Variants in CNTN4 observed in about 807,000 individuals in gnomAD.
CNTN4 encodes contactin-4.
CNTN4 carries 77 observed loss-of-function variants against 122.5 expected under a neutral mutation model. The ratio of observed to expected loss-of-function variants is 0.63; its 90% CI spans 0.52 to 0.76. CNTN4 has a LOEUF of 0.76. Ranked by LOEUF, CNTN4 falls within the 30% of genes least tolerant of loss-of-function variation. CNTN4 has a pLI of 0.00. For missense variants in CNTN4, 1,256 were observed against 1,259.1 expected (o/e 1.00, Z 0.04); for synonymous variants, 512 against 447.0 (o/e 1.15, Z -1.83).
intron 2 of CNTN4, among the ~76,000 whole-genome samples, chr3:2,279,912 A>G (rs930945477): frequency 6.6e-6 from 1 of 150,500 alleles, no homozygotes; most frequent in Non-Finnish European, 1.5e-5. Context: ...AAATCTATAT[A>G]TCTAGCTATA....
At chr3:2,793,789 G>C (rs7635582) in intron 6 of CNTN4, among the ~76,000 whole-genome samples, 61,182 of 151,924 alleles carry the variant, frequency 0.4, 12,576 homozygotes, top group African/African-American at 0.49. Flanking sequence ...ACTGACTACA[G>C]AATAAGGAGA....
chr3:2,614,899 C>A (rs1169261390), intron 4 of CNTN4, among the ~76,000 whole-genome samples: 3 of 152,050 alleles, frequency 2.0e-5, no homozygotes, highest in Non-Finnish European at 4.4e-5. Flanking sequence ...TAATTAATTC[C>A]ACAGAGCCTT....
At chr3:2,657,144 C>T (rs2083627100) in intron 4 of CNTN4, among the ~76,000 whole-genome samples, 1 of 152,168 alleles carries the variant, frequency 6.6e-6, no homozygotes, top group Non-Finnish European at 1.5e-5. Context: ...CTTGACCGGA[C>T]AAGCATATTT....
At chr3:2,356,653 C>T (rs1486771952) in intron 3 of CNTN4, among the ~76,000 whole-genome samples, 2 of 152,192 alleles carry the variant, frequency 1.3e-5, no homozygotes, top group East Asian at 1.9e-4. Context: ...CATCCTGTGA[C>T]TAAGAATGCC....
chr3:2,383,007 G>A (rs765604414), intron 3 of CNTN4, among the ~76,000 whole-genome samples: 16 of 151,884 alleles, frequency 1.1e-4, no homozygotes, highest in Non-Finnish European at 1.6e-4. Flanking sequence ...CTCGGGAGGC[G>A]GAGGTTGCAG....
intron 6 of CNTN4, among the ~76,000 whole-genome samples, chr3:2,747,800 G>A (rs1341443121): frequency 6.6e-6 from 1 of 152,158 alleles, no homozygotes; most frequent in African/African-American, 2.4e-5. Flanking sequence ...GTGACAGAAA[G>A]TTCACCAATT....
At chr3:2,377,734 T>C (rs2045873024) in intron 3 of CNTN4, among the ~76,000 whole-genome samples, 1 of 151,950 alleles carries the variant, frequency 6.6e-6, no homozygotes, top group Non-Finnish European at 1.5e-5. Context: ...CAGCCCAGTA[T>C]AAATTTGTAA....
At chr3:3,017,150 T>C (rs1254381552) in intron 14 of CNTN4, among the ~76,000 whole-genome samples, 2 of 152,214 alleles carry the variant, frequency 1.3e-5, no homozygotes, top group Non-Finnish European at 2.9e-5. Flanking sequence ...CTTTTTCCAA[T>C]TGGTTCCTCT....
chr3:3,037,452 A>G (rs2125725104), intron 18 of CNTN4, 124 bp downstream of exon 18: 2 of 1,309,464 alleles, frequency 1.5e-6, no homozygotes, highest in Non-Finnish European at 2.2e-6. Context: ...TTCCCTTTAA[A>G]TGTTTATAAT....
At chr3:2,495,011 A>G (rs1159378396) in intron 3 of CNTN4, among the ~76,000 whole-genome samples, 1 of 152,212 alleles carries the variant, frequency 6.6e-6, no homozygotes, top group Non-Finnish European at 1.5e-5. Flanking sequence ...AAGGTAGTCC[A>G]TTAAGTCCTC....
intron 3 of CNTN4, among the ~76,000 whole-genome samples, chr3:2,416,399 T>C (rs893812026): frequency 2.6e-5 from 4 of 152,186 alleles, no homozygotes; most frequent in Non-Finnish European, 4.4e-5. Flanking sequence ...ATCTGCGTTA[T>C]ATAACATATG....
chr3:2,406,398 A>G lies in CNTN4; in HGVS notation c.-89+67165A>G, dbSNP rs75200884. Among the ~76,000 whole-genome samples the G allele has an allele frequency of 3.8e-3, 583 of 152,310 alleles. 4 individuals are homozygous for G. The highest frequency in any genetic ancestry group is 0.014 in the African/African-American group (570 of 41,574). On this transcript the variant is annotated intron_variant, in intron 3 of 24. Coordinates refer to ENST00000418658, the MANE Select transcript of CNTN4 (RefSeq NM_175607.3). ...GCAAACCTAACATGAAGGACACTCT[A>G]TAAATTAACTTAGCATCATTCTTCA...
rs184045051 is a variant in CNTN4 at position 2,967,102 on chromosome 3, T to C, written c.1359-21243T>C. Reference sequence around the variant, plus strand: ...ATCATTCTCCCTGAGCATTGGGGGATCAGAGTTTTTAAGGATAATTTGGTG... The same window carrying C: ...ATCATTCTCCCTGAGCATTGGGGGACCAGAGTTTTTAAGGATAATTTGGTG... On this transcript the variant is annotated intron_variant, in intron 13 of 24. Transcript: ENST00000418658. Among the ~76,000 whole-genome samples, 1,456 of 152,224 alleles carry C rather than the reference T, an allele frequency of 9.6e-3. 9 individuals are homozygous for C. The highest frequency in any genetic ancestry group is 0.015 in the Non-Finnish European group (1,005 of 68,012).
Position 2,641,222 on chromosome 3 carries a change from C to G in CNTN4, c.55+69664C>G, listed in dbSNP as rs368858747. Among the ~76,000 whole-genome samples the G allele has an allele frequency of 1.3e-4, 20 of 151,852 alleles. No homozygotes were observed. In the East Asian group the frequency reaches 2.9e-3, roughly 22 times the overall value. The stretch of plus-strand genomic sequence containing the variant: ...TATGCTTGGCCTTTGCAAATTGCTC[C>G]ATTAATTATTATAGGTGCTTCCAGT... On this transcript the variant is annotated intron_variant, in intron 4 of 24. Transcript: ENST00000418658.
chr3:2,775,152 A>G (rs2091265134), intron 6 of CNTN4, among the ~76,000 whole-genome samples: 1 of 152,240 alleles, frequency 6.6e-6, no homozygotes, highest in Admixed American at 6.5e-5. Flanking sequence ...TGCTTTGTAC[A>G]GTGACTGTAA....
chr3:2,395,604 C>T (rs950081952), intron 3 of CNTN4, among the ~76,000 whole-genome samples: 2 of 152,074 alleles, frequency 1.3e-5, no homozygotes, highest in Admixed American at 6.6e-5. Context: ...CACTCTTTTC[C>T]TCTCCTCTCT....
intron 15 of CNTN4, among the ~76,000 whole-genome samples, chr3:3,027,572 T>A (rs1423414571): frequency 6.6e-6 from 1 of 152,192 alleles, no homozygotes; most frequent in Non-Finnish European, 1.5e-5. Flanking sequence ...TAAACTTTAA[T>A]GGTGGTATTA....
At chr3:2,912,044 C>G (rs188859231) in intron 12 of CNTN4, among the ~76,000 whole-genome samples, 192 of 152,074 alleles carry the variant, frequency 1.3e-3, no homozygotes, top group African/African-American at 4.3e-3. Flanking sequence ...CTGAAAACTT[C>G]CTGAGTCTGA....
At chr3:2,926,888 T>A (rs762471997) in intron 13 of CNTN4, among the ~76,000 whole-genome samples, 9 of 152,218 alleles carry the variant, frequency 5.9e-5, no homozygotes, top group Non-Finnish European at 1.2e-4. Flanking sequence ...GTTCATTGAA[T>A]GTTGACATGG....
Sources: allele counts gnomAD v4.1 joint callset (sites outside exome capture counted in the v4.1 genomes callset), GRCh38; gene constraint gnomAD v4.1.1; transcripts MANE v1.5; gene names NCBI Gene and HGNC (gene_info 2026-07-23, HGNC 2026-07-21).